Variants in SPAG17 observed in about 807,000 individuals in gnomAD.
The protein encoded by SPAG17 is sperm associated antigen 17.
In SPAG17, 169 loss-of-function variants were observed where a neutral mutation model predicts 273.6. The ratio of observed to expected loss-of-function variants is 0.62; its 90% CI spans 0.55 to 0.70. SPAG17 has a LOEUF of 0.70. Ranked by LOEUF, SPAG17 falls within the 30% of genes least tolerant of loss-of-function variation. The pLI, the probability that SPAG17 is intolerant of heterozygous loss-of-function variation, is 0.00. For missense variants in SPAG17, 2,557 were observed against 2,627.8 expected, an observed-to-expected ratio of 0.97 and a Z score of 0.59; for synonymous variants, 825 against 873.2, an observed-to-expected ratio of 0.94 and a Z score of 0.97.
chr1:118,123,125 T>G (rs897077259), intron 3 of SPAG17, among the ~76,000 whole-genome samples: 4 of 152,234 alleles, frequency 2.6e-5, no homozygotes, highest in African/African-American at 9.6e-5. Context: ...AAATGTGAGA[T>G]GGAGGAATTC....
chr1:118,176,767 C>G (rs992647713), intron 1 of SPAG17, among the ~76,000 whole-genome samples: 3 of 152,146 alleles, frequency 2.0e-5, no homozygotes, highest in Admixed American at 6.5e-5. Context: ...CAGCAGCACA[C>G]AGAACACTTT....
At chr1:118,150,713 T>C (rs1306721937) in intron 2 of SPAG17, 84 bp from the exon 3 acceptor site, 1 of 749,772 alleles carries the variant, frequency 1.3e-6, no homozygotes. Context: ...AATATCTAGG[T>C]GATCTGAAGG....
intron 13 of SPAG17, among the ~76,000 whole-genome samples, chr1:118,083,098 C>T (rs1192757626): frequency 6.6e-6 from 1 of 152,134 alleles, no homozygotes; most frequent in East Asian, 1.9e-4. Context: ...GCTGGGTCTG[C>T]AGGCACGTGC....
At chr1:118,069,344 C>CAAGAAAAAAAAAAAAA (rs1653327220) in intron 17 of SPAG17, among the ~76,000 whole-genome samples, 2 of 86,182 alleles carry the variant, frequency 2.3e-5, no homozygotes, top group Non-Finnish European at 4.5e-5. Flanking sequence ...GACTCCGTCT[C>CAAGAAAAAAAAAAAAA]AAAAAAAAAA....
At chr1:118,065,708 C>A (rs988466108) in intron 18 of SPAG17, among the ~76,000 whole-genome samples, 1 of 151,898 alleles carries the variant, frequency 6.6e-6, no homozygotes, top group African/African-American at 2.4e-5. Context: ...AAAATATAAA[C>A]ACCTAAATTG....
intron 1 of SPAG17, among the ~76,000 whole-genome samples, chr1:118,156,468 G>A (rs2102361644): frequency 6.6e-6 from 1 of 152,290 alleles, no homozygotes; most frequent in East Asian, 1.9e-4. Context: ...AGTCCTTTAG[G>A]AGGAGAATAC....
intron 32 of SPAG17, among the ~76,000 whole-genome samples, chr1:117,998,068 C>T (rs1414535524): frequency 6.6e-6 from 1 of 152,068 alleles, no homozygotes; most frequent in Admixed American, 6.6e-5. Flanking sequence ...AATTAGGTCC[C>T]ATTTGTCAGT....
intron 18 of SPAG17, among the ~76,000 whole-genome samples, chr1:118,060,929 T>G (rs1652218474): frequency 6.6e-6 from 1 of 152,150 alleles, no homozygotes; most frequent in East Asian, 1.9e-4. Flanking sequence ...CTGGCTAGAT[T>G]TGGTATATAA....
chr1:118,025,242 G>T lies in SPAG17; in HGVS notation c.3905C>A (p.Thr1302Lys), dbSNP rs140467908. Residue 1302 changes from threonine (T) to lysine (K), a missense_variant, in exon 27 of 49, where the codon ACA (threonine) becomes AAA (lysine). Transcript: ENST00000336338. ...TVVKYMLDGS[T>K]QILFADGAVS... is the part of the protein sequence containing the mutation. Reference sequence around the variant, plus strand: ...TTCTCTAACACATTCTTTTACCTGTGTGGATCCATCCAACATATATTTGAC... The same window carrying T: ...TTCTCTAACACATTCTTTTACCTGTTTGGATCCATCCAACATATATTTGAC... 3.3e-5 allele frequency: 54 copies of T among 1,613,186 alleles called. No homozygotes were observed. The African/African-American group carries it at 7.1e-4, about 21-fold the overall frequency.
intron 26 of SPAG17, among the ~76,000 whole-genome samples, chr1:118,027,055 G>A (rs761823409): frequency 6.6e-6 from 1 of 152,182 alleles, no homozygotes; most frequent in South Asian, 2.1e-4. Flanking sequence ...GGGGTATTAA[G>A]CTGGGGTTTG....
intron 3 of SPAG17, among the ~76,000 whole-genome samples, chr1:118,118,800 T>C (rs1207537851): frequency 6.6e-6 from 1 of 152,152 alleles, no homozygotes; most frequent in African/African-American, 2.4e-5. Flanking sequence ...ATTTAAGGGG[T>C]CTAGATGCTA....
intron 40 of SPAG17, among the ~76,000 whole-genome samples, chr1:117,986,160 G>A (rs1656380237): frequency 6.6e-6 from 1 of 152,160 alleles, no homozygotes; most frequent in Admixed American, 6.5e-5. Flanking sequence ...AGACAGGCAT[G>A]ACCAAAATAC....
chr1:118,074,714 A>C, intron 15 of SPAG17, 114 bp from the exon 16 acceptor site: 1 of 936,004 alleles, frequency 1.1e-6, no homozygotes, highest in Admixed American at 2.1e-5. Context: ...CTGAAAAGGC[A>C]ATGCCTGAAA....
At chr1:118,174,443 A>C (rs561726857) in intron 1 of SPAG17, among the ~76,000 whole-genome samples, 1 of 152,192 alleles carries the variant, frequency 6.6e-6, no homozygotes. Flanking sequence ...CAAAAAGAAA[A>C]AAGTATGAAG....
Position 117,990,875 on chromosome 1 carries a change from C to G in SPAG17, c.5507G>C (p.Ser1836Thr), listed in dbSNP as rs74694321. Residue 1836 changes from serine to threonine, a missense_variant, in exon 38 of 49, where the codon AGT (serine) becomes ACT (threonine). Ser to Thr is a moderately conservative substitution (Grantham distance 58). Coordinates refer to ENST00000336338, the MANE Select transcript of SPAG17 (RefSeq NM_206996.4). ...SFPKMEETTK[S>T]HVTEVAAHLT... Reference sequence around the variant, plus strand: ...ATGCAACTTACCTTCAGTAACATGACTTTTTGTAGTTTCCTCCATTTTAGG... The same window carrying G: ...ATGCAACTTACCTTCAGTAACATGAGTTTTTGTAGTTTCCTCCATTTTAGG... 2.5e-6 allele frequency: 4 copies of G among 1,571,984 alleles called. No individual in the cohort carries two copies. The highest frequency in any genetic ancestry group is 3.5e-6 in the Non-Finnish European group (4 of 1,153,274).
intron 4 of SPAG17, among the ~76,000 whole-genome samples, chr1:118,110,151 T>C (rs1656673311): frequency 6.6e-6 from 1 of 152,198 alleles, no homozygotes; most frequent in African/African-American, 2.4e-5. Flanking sequence ...ACATGGTTTA[T>C]TATGAAAAGA....
intron 1 of SPAG17, among the ~76,000 whole-genome samples, chr1:118,165,565 TAAAC>T (rs1660127389): frequency 6.6e-6 from 1 of 151,270 alleles, no homozygotes. Flanking sequence ...CATGGCAAGT[TAAAC>T]AATAGGCTTT....
intron 31 of SPAG17, among the ~76,000 whole-genome samples, chr1:118,007,537 G>A (rs1659019688): frequency 6.6e-6 from 1 of 152,184 alleles, no homozygotes; most frequent in Admixed American, 6.5e-5. Context: ...GCTCCTCCTT[G>A]GCCTTCCAAG....
intron 3 of SPAG17, among the ~76,000 whole-genome samples, chr1:118,129,705 TTC>T (rs1157714326): frequency 6.6e-6 from 1 of 150,782 alleles, no homozygotes; most frequent in African/African-American, 2.4e-5. Context: ...CTTCCCTTCT[TTC>T]TTTCTTTTCT....
Sources: allele counts gnomAD v4.1 joint callset (sites outside exome capture counted in the v4.1 genomes callset), GRCh38; gene constraint gnomAD v4.1.1; transcripts MANE v1.5; gene names NCBI Gene and HGNC (gene_info 2026-07-23, HGNC 2026-07-21).